PRAMEF20: variants seen among roughly 807,000 people sequenced by gnomAD.
The protein encoded by PRAMEF20 is PRAME family member 20/21.
Under a neutral mutation model 32.4 loss-of-function variants are expected in PRAMEF20, and 27 were observed. The observed-to-expected ratio is 0.83, with a 90% CI of 0.61 to 1.15. The LOEUF is 1.15. Ranked by LOEUF, PRAMEF20 falls within the 50% of genes most tolerant of loss-of-function variation. The pLI, the probability that PRAMEF20 is intolerant of heterozygous loss-of-function variation, is 0.00. For missense variants in PRAMEF20, 604 were observed against 584.5 expected, an observed-to-expected ratio of 1.03 and a Z score of -0.34; for synonymous variants, 256 against 235.4, an observed-to-expected ratio of 1.09 and a Z score of -0.80.
the PRAMEF20 span, chr1:13,410,549 G>A: frequency 6.6e-6 from 1 of 151,860 alleles, no homozygotes; most frequent in Non-Finnish European, 1.5e-5. Context: ...ATCTCTGTAA[G>A]GACACTCCCA....
upstream of PRAMEF20, among the ~76,000 whole-genome samples, chr1:13,412,879 A>C (rs1641127241): frequency 6.6e-6 from 1 of 151,960 alleles, no homozygotes; most frequent in Admixed American, 6.6e-5. Context: ...AGCCAAAATG[A>C]CGCCACTGCA....
chr1:13,421,232 C>T lies in PRAMEF20; in HGVS notation c.1402C>T (p.Leu468=), dbSNP rs1236287783. 2.6e-5 allele frequency: 42 copies of T among 1,613,776 alleles called. No homozygotes were observed. The African/African-American group carries it at 5.5e-4, about 21-fold the overall frequency. ...GTGTGGCAACAGGTCACTTTACGAC[C>T]TGGAGGTAGATCGGTGTTGCTGTTG... Residue 468 remains leucine (L), a synonymous_variant, in exon 3 of 3, where the codon CTG becomes TTG. Transcript: ENST00000602960.
chr1:13,419,873 T>G (rs1213415016), intron 2 of PRAMEF20, among the ~76,000 whole-genome samples: 1 of 152,284 alleles, frequency 6.6e-6, no homozygotes, highest in East Asian at 1.9e-4. Context: ...TCTAATTCCC[T>G]GTCATAATGG....
chr1:13,412,560 A>G (rs1224097765), upstream of PRAMEF20, among the ~76,000 whole-genome samples: 1 of 152,102 alleles, frequency 6.6e-6, no homozygotes. Flanking sequence ...ATCCCCCAAC[A>G]TATTCACATG....
chr1:13,419,661 T>G (rs918883867), intron 2 of PRAMEF20, among the ~76,000 whole-genome samples: 5 of 152,012 alleles, frequency 3.3e-5, no homozygotes, highest in African/African-American at 1.2e-4. Flanking sequence ...CCTGACCTTG[T>G]GATCCGCCCG....
exon 2 of PRAMEF20, chr1:13,418,333 C>T (rs1401733461): frequency 1.9e-6 from 3 of 1,613,718 alleles, no homozygotes; most frequent in Non-Finnish European, 2.5e-6. Flanking sequence ...CTTCACCTGC[C>T]TCTTTCTATG....
chr1:13,418,682 A>G, exon 2 of PRAMEF20: 1 of 1,613,758 alleles, frequency 6.2e-7, no homozygotes, highest in African/African-American at 1.3e-5. Flanking sequence ...CTCGAAGGCC[A>G]CCTGGACCAG....
At position 13,416,814 on chromosome 1, in the gene PRAMEF20, A is replaced by C. The variant is rs563206315; in HGVS notation, c.287+173A>C. On this transcript the variant is annotated intron_variant, in intron 1 of 2. Coordinates refer to ENST00000602960, the Ensembl canonical transcript of PRAMEF20. ...CAGCTCCTCAGGGAAAGGACTGCTC[A>C]TCACCCGGGGTCCACCGAGGTAACA... is the stretch of plus-strand genomic sequence containing the variant. 1.2e-3 allele frequency among the ~76,000 whole-genome samples: 183 copies of C among 152,332 alleles called. 1 individual carries two copies. The highest frequency in any genetic ancestry group is 4.0e-3 in the African/African-American group (167 of 41,582).
At position 13,418,860 on chromosome 1, in the gene PRAMEF20, A is replaced by G. The variant is rs1641213259; in HGVS notation, c.866+160A>G. Among the ~76,000 whole-genome samples the G allele has an allele frequency of 5.9e-5, 9 of 152,198 alleles. 1 individual carries two copies. On this transcript the variant is annotated intron_variant, in intron 2 of 2. Transcript: ENST00000602960. ...GAAGTGGGTATCACACATTCATCCCAATGAAGACAGAGGAATCAGCTGGGG... is the reference window on the plus strand; with the variant it reads ...GAAGTGGGTATCACACATTCATCCCGATGAAGACAGAGGAATCAGCTGGGG...
chr1:13,414,659 G>T (rs1040992155), upstream of PRAMEF20, among the ~76,000 whole-genome samples: 13 of 149,830 alleles, frequency 8.7e-5, no homozygotes, highest in Non-Finnish European at 1.5e-5. Context: ...GAGACGGGGT[G>T]TCACCATGGT....
chr1:13,413,654 T>A (rs1012655805), upstream of PRAMEF20, among the ~76,000 whole-genome samples: 1 of 152,046 alleles, frequency 6.6e-6, no homozygotes, highest in African/African-American at 2.4e-5. Flanking sequence ...TGTGAGCCAC[T>A]GTGCCTAGCC....
exon 3 of PRAMEF20, chr1:13,421,119 T>C (rs904193770): frequency 6.8e-5 from 110 of 1,613,930 alleles, no homozygotes; most frequent in Non-Finnish European, 9.1e-5. Context: ...CGGAGCAGAT[T>C]TGCCCAACTT....
At chr1:13,415,626 T>A (rs1260872842), upstream of PRAMEF20, among the ~76,000 whole-genome samples, 11 of 151,822 alleles carry the variant, frequency 7.2e-5, no homozygotes, top group African/African-American at 2.7e-4. Flanking sequence ...TTACAAAACA[T>A]CAAAAACTAA....
chr1:13,416,568 A>C, exon 1 of PRAMEF20: 1 of 1,614,118 alleles, frequency 6.2e-7, no homozygotes, highest in South Asian at 1.1e-5. Context: ...TCTGATGAAA[A>C]GGCCTTGCCC....
At position 13,416,486 on chromosome 1, in the gene PRAMEF20, C is replaced by T. The variant is rs766986238; in HGVS notation, c.132C>T (p.Phe44=). The T allele has an allele frequency of 3.1e-6, 5 of 1,614,132 alleles. 1 individual carries two copies. In the South Asian group the frequency reaches 5.5e-5, roughly 18 times the overall value. Residue 44 remains phenylalanine, a synonymous_variant, in exon 1 of 3, where the codon TTC becomes TTT. Transcript: ENST00000602960. ...TTCCCCCATTGTTCATGGAGGCCTTCAGCAGGAGACACTGTGAGGCCCTGA... is the reference window on the plus strand; with the variant it reads ...TTCCCCCATTGTTCATGGAGGCCTTTAGCAGGAGACACTGTGAGGCCCTGA...
intron 1 of PRAMEF20, 98 bp downstream of exon 2, chr1:13,416,739 G>A (rs1641179059): frequency 6.3e-7 from 1 of 1,596,032 alleles, no homozygotes; most frequent in South Asian, 1.1e-5. Flanking sequence ...AGGGCCCACA[G>A]GCTTCTAATG....
chr1:13,418,892 C>T (rs1641213561), intron 2 of PRAMEF20, among the ~76,000 whole-genome samples, 192 bp downstream of exon 3: 1 of 152,138 alleles, frequency 6.6e-6, no homozygotes, highest in African/African-American at 2.4e-5. Context: ...GGGGTAGATG[C>T]TATAGAGAGG....
exon 2 of PRAMEF20, chr1:13,418,525 A>T: frequency 1.2e-6 from 2 of 1,613,994 alleles, no homozygotes; most frequent in Non-Finnish European, 1.7e-6. Flanking sequence ...CCTCGGCCAG[A>T]TGAGGAATCT....
chr1:13,419,587 A>G (rs1641220109), intron 2 of PRAMEF20, among the ~76,000 whole-genome samples: 1 of 151,444 alleles, frequency 6.6e-6, no homozygotes, highest in Admixed American at 6.6e-5. Context: ...ACGCCCGGCT[A>G]ATTTTTGTTG....
Sources: allele counts gnomAD v4.1 joint callset (sites outside exome capture counted in the v4.1 genomes callset), GRCh38; gene constraint gnomAD v4.1.1; transcripts MANE v1.5; gene names NCBI Gene and HGNC (gene_info 2026-07-23, HGNC 2026-07-21).